CASQ1: variants seen among roughly 807,000 people sequenced by gnomAD.
CASQ1 encodes calsequestrin-1.
A neutral mutation model predicts 49.5 loss-of-function variants in CASQ1; 40 were observed. That is an observed-to-expected ratio of 0.81 (90% CI 0.63 to 1.05). The LOEUF (loss-of-function observed/expected upper bound fraction) is 1.05, where lower values mean the gene tolerates loss of function less well. Among genes scored for constraint, CASQ1 ranks in the 50% least tolerant of loss-of-function variants. The pLI is 0.00. For missense variants in CASQ1, 469 were observed against 486.9 expected, an observed-to-expected ratio of 0.96 and a Z score of 0.35; for synonymous variants, 174 against 187.2, an observed-to-expected ratio of 0.93 and a Z score of 0.58.
chr1:160,199,873 C>T lies in CASQ1; in HGVS notation c.1007C>T (p.Thr336Met), dbSNP rs1319709393. ...FPLLVPYWEK[T>M]FDIDLSAPQI... ...CAGCTGGTCCCATACTGGGAGAAGA[C>T]GTTTGACATCGACTTGTCAGCCCCA... is the stretch of plus-strand genomic sequence containing the variant. Residue 336 changes from threonine (T) to methionine (M), a missense_variant, in exon 10 of 11, where the codon ACG becomes ATG. Physicochemically the swap from Thr to Met is moderately conservative, Grantham distance 81 (BLOSUM62 -1). Transcript: ENST00000368078. The T allele has an allele frequency of 6.2e-6, 10 of 1,612,712 alleles. No individual in the cohort carries two copies. Among genetic ancestry groups the T allele is most frequent in the South Asian group, 3.3e-5 (3 of 91,058 alleles).
intron 4 of CASQ1, 86 bp from the exon 5 acceptor site, chr1:160,195,375 T>TG: frequency 7.8e-7 from 1 of 1,281,920 alleles, no homozygotes; most frequent in Non-Finnish European, 1.1e-6. Context: ...GAACCCTGCC[T>TG]GCAAAGAATT....
chr1:160,199,947 C>T (rs763357815), intron 10 of CASQ1, 22 bp downstream of exon 10: 14 of 1,536,440 alleles, frequency 9.1e-6, no homozygotes, highest in African/African-American at 8.2e-5. Context: ...GTCCTCATCC[C>T]GGGTTGACCC....
intron 2 of CASQ1, 39 bp downstream of exon 2, chr1:160,192,925 G>A (rs763811259): frequency 6.5e-7 from 1 of 1,541,910 alleles, no homozygotes; most frequent in South Asian, 1.1e-5. Flanking sequence ...AGGTGGCATT[G>A]AGACAAGGGG....
At chr1:160,192,654 T>G (rs539392135) in intron 1 of CASQ1, 148 bp from the exon 2 acceptor site, 239 of 682,846 alleles carry the variant, frequency 3.5e-4, no homozygotes, top group Admixed American at 2.8e-4. Flanking sequence ...TGTAGGGAAT[T>G]TGGGGGATAT....
rs547138517 is a variant in CASQ1, at chr1:160,201,352, C to T, written c.1167C>T (p.Asp389=). The stretch of plus-strand genomic sequence containing the variant: ...TGGAGGGCGAGATCAACACAGAGGA[C>T]GATGACGATGATGATGATGACTAGT... The part of the protein sequence containing the change: ...DVLEGEINTE[D]DDDDDDD The change falls in exon 11 of 11, where the codon GAC becomes GAT. Residue 389 remains aspartate (D), a synonymous_variant. Coordinates refer to ENST00000368078, the MANE Select transcript of CASQ1 (RefSeq NM_001231.5). 12 of 1,614,014 alleles carry T rather than the reference C, an allele frequency of 7.4e-6. No homozygotes were observed. The highest frequency in any genetic ancestry group is 3.3e-5 in the South Asian group (3 of 91,038).
At chr1:160,194,969 T>C (rs748394323) in intron 3 of CASQ1, 43 bp from the exon 4 acceptor site, 2 of 1,264,590 alleles carry the variant, frequency 1.6e-6, no homozygotes, top group East Asian at 2.3e-5. Context: ...CTGGTTCTAC[T>C]TGAGGATAGA....
chr1:160,190,646 C>T lies in CASQ1; in HGVS notation c.-106C>T, dbSNP rs552208723. ...CTGCTCTGGGCCATTCCCCAATCCC[C>T]CCTCCCACTTGAGCCCCTAACTCAG... On this transcript the variant is annotated 5_prime_UTR_variant, in exon 1 of 11. Transcript: ENST00000368078. 1.4e-5 allele frequency: 15 copies of T among 1,059,190 alleles called. No individual in the cohort carries two copies. The highest frequency in any genetic ancestry group is 2.4e-5 in the Admixed American group (1 of 40,934). 65.6% of individuals were successfully genotyped at this position (1,059,190 alleles called of 1,614,324 possible).
intron 8 of CASQ1, 33 bp from the exon 9 acceptor site, chr1:160,198,920 C>A: frequency 1.4e-6 from 2 of 1,395,970 alleles, no homozygotes; most frequent in Non-Finnish European, 2.0e-6. Flanking sequence ...CCTCTCTACA[C>A]ACCTCATACC....
intron 6 of CASQ1, among the ~76,000 whole-genome samples, chr1:160,196,496 G>A (rs138026517): frequency 2.6e-4 from 38 of 144,450 alleles, no homozygotes; most frequent in Non-Finnish European, 3.7e-4. Context: ...TTTTTCTTCC[G>A]AGACCGAGTC....
chr1:160,193,689 G>C, intron 2 of CASQ1, 58 bp from the exon 3 acceptor site: 1 of 1,033,166 alleles, frequency 9.7e-7, no homozygotes, highest in Non-Finnish European at 1.5e-6. Flanking sequence ...CCTTGAATCT[G>C]TGGGAAGCCT....
At position 160,199,867 on chromosome 1, in the gene CASQ1, A is replaced by C. The variant is rs1654329658; in HGVS notation, c.1001A>C (p.Glu334Ala). Residue 334 changes from glutamate (E) to alanine (A), a missense_variant, in exon 10 of 11, where the codon GAG (glutamate) becomes GCG (alanine). By Grantham distance (107) the Glu-to-Ala change is moderately radical. Transcript: ENST00000368078. ...DDFPLLVPYW[E>A]KTFDIDLSAP... ...TCTCTACAGCTGGTCCCATACTGGG[A>C]GAAGACGTTTGACATCGACTTGTCA... The C allele has an allele frequency of 6.2e-7, 1 of 1,612,356 alleles. No homozygotes were observed. The highest frequency in any genetic ancestry group is 1.1e-5 in the South Asian group (1 of 91,054).
chr1:160,196,097 G>C, intron 6 of CASQ1, 70 bp downstream of exon 6: 1 of 1,510,720 alleles, frequency 6.6e-7, no homozygotes, highest in Non-Finnish European at 9.0e-7. Flanking sequence ...GTGTGAGATG[G>C]GCTGGGGAAA....
At position 160,195,657 on chromosome 1, in the gene CASQ1, C is replaced by CA. The variant is rs148763382; in HGVS notation, c.651+123_651+124insA. 30 of 845,270 alleles carry CA rather than the reference C, an allele frequency of 3.5e-5. 1 individual carries two copies. Among genetic ancestry groups the CA allele is most frequent in the East Asian group, 3.2e-4 (12 of 37,938 alleles). The allele number at this position is 845,270 out of a possible 1,614,324, so 52.4% of individuals were successfully genotyped here. A position where few individuals can be genotyped will look rare whatever the true frequency, so the allele number is the denominator to read the frequency against. On this transcript the variant is annotated intron_variant, in intron 5 of 10. Coordinates refer to ENST00000368078, the MANE Select transcript of CASQ1 (RefSeq NM_001231.5). ...CGTGCTGGCACTCCCTACCTGCCCC[C>CA]CCCCCCGGCTCCTCCCACTCCATAG...
intron 3 of CASQ1, among the ~76,000 whole-genome samples, 199 bp from the exon 4 acceptor site, chr1:160,194,813 A>G (rs1287518491): frequency 2.7e-5 from 4 of 150,030 alleles, no homozygotes; most frequent in East Asian, 3.9e-4. Context: ...ACATGCACAC[A>G]CACACCACAC....
Position 160,190,982 on chromosome 1 carries a change from T to C in CASQ1, c.231T>C (p.Asp77=). The C allele has an allele frequency of 6.2e-7, 1 of 1,614,128 alleles. No individual in the cohort carries two copies. Among genetic ancestry groups the C allele is most frequent in the East Asian group, 2.2e-5 (1 of 44,884 alleles). Residue 77 remains aspartate, a synonymous_variant, in exon 1 of 11, where the codon GAT becomes GAC. Coordinates refer to ENST00000368078, the MANE Select transcript of CASQ1 (RefSeq NM_001231.5). ...TCCTCTACCATGAACCCCCCGAGGA[T>C]GACAAGGCCTCACAAAGACAATTTG... The part of the protein sequence containing the change: ...LALLYHEPPE[D]DKASQRQFEM...
At chr1:160,199,100 A>G (rs1654310831) in intron 9 of CASQ1, 47 bp downstream of exon 9, 3 of 1,149,876 alleles carry the variant, frequency 2.6e-6, no homozygotes, top group South Asian at 1.2e-5. Context: ...GGGGCCTTGG[A>G]CTGTGACATC....
chr1:160,201,679 C>G lies in CASQ1; in HGVS notation c.*303C>G. The G allele has an allele frequency of 2.3e-6, 1 of 434,098 alleles. No individual in the cohort carries two copies. Among genetic ancestry groups the G allele is most frequent in the Non-Finnish European group, 4.3e-6 (1 of 233,772 alleles). The allele number at this position is 434,098 out of a possible 1,614,324, so 26.9% of individuals were successfully genotyped here. ...ACTCTTTCTTGTGATTCTCCTCTAGCCATATATATGGGCCCCATCTCTGTT... is the reference window on the plus strand; with the variant it reads ...ACTCTTTCTTGTGATTCTCCTCTAGGCATATATATGGGCCCCATCTCTGTT... On this transcript the variant is annotated 3_prime_UTR_variant, in exon 11 of 11. Coordinates refer to ENST00000368078, the MANE Select transcript of CASQ1 (RefSeq NM_001231.5).
chr1:160,194,624 C>T (rs202239858), intron 3 of CASQ1, among the ~76,000 whole-genome samples: 7 of 149,662 alleles, frequency 4.7e-5, no homozygotes, highest in Non-Finnish European at 7.4e-5. Context: ...ACACTCCACA[C>T]GTACACACAC....
At chr1:160,199,789 T>C in intron 9 of CASQ1, 62 bp from the exon 10 acceptor site, 1 of 1,152,788 alleles carries the variant, frequency 8.7e-7, no homozygotes, top group African/African-American at 1.5e-5. Flanking sequence ...CTCACACTCA[T>C]CCTCCTGGAT....
Sources: gnomAD v4.1 joint callset for allele counts (sites outside exome capture counted in the v4.1 genomes callset) on GRCh38, gnomAD v4.1.1 for gene constraint, MANE v1.5 for transcripts, NCBI Gene and HGNC (gene_info 2026-07-23, HGNC 2026-07-21) for gene names.